The following RGS3 variants were observed in gnomAD, a reference collection of about 807,000 sequenced individuals.
The protein encoded by RGS3 is regulator of G-protein signalling 3.
A neutral mutation model predicts 132.6 loss-of-function variants in RGS3; 80 were observed. The ratio of observed to expected loss-of-function variants is 0.60; its 90% CI spans 0.50 to 0.73. RGS3 has a LOEUF of 0.73. RGS3 is among the 30% of genes least tolerant of loss of function. The pLI is 0.00. For missense variants in RGS3, 1,382 were observed against 1,530.8 expected, an observed-to-expected ratio of 0.90 and a Z score of 1.62; for synonymous variants, 598 against 620.6, an observed-to-expected ratio of 0.96 and a Z score of 0.54.
Position 113,591,329 on chromosome 9 carries a change from G to C in RGS3, c.3016-4G>C. The C allele has an allele frequency of 6.2e-7, 1 of 1,613,420 alleles. No homozygotes were observed. Among genetic ancestry groups the C allele is most frequent in the Non-Finnish European group, 8.5e-7 (1 of 1,179,784 alleles). Reference sequence around the variant, plus strand: ...ACTGCATCGTGTCTGTCTTCTCTCCGCAGATGAGCGGGGCTGACACCGTTG... The same window carrying C: ...ACTGCATCGTGTCTGTCTTCTCTCCCCAGATGAGCGGGGCTGACACCGTTG... On this transcript the variant is annotated splice_polypyrimidine_tract_variant and splice_region_variant and intron_variant, in intron 20 of 24. Coordinates refer to ENST00000350696, the Ensembl canonical transcript of RGS3. This position sits in a 1 kb window ranked among gnomAD's most constrained non-coding sequence, Gnocchi z 4.4.
At position 113,507,679 on chromosome 9, in the gene RGS3, C is replaced by T; in HGVS notation, c.1437+41C>T. The T allele has an allele frequency of 1.4e-6, 2 of 1,413,090 alleles. No individual in the cohort carries two copies. The highest frequency in any genetic ancestry group is 1.9e-6 in the Non-Finnish European group (2 of 1,072,370). The allele number at this position is 1,413,090 out of a possible 1,614,324, so 87.5% of individuals were successfully genotyped here. On this transcript the variant is annotated intron_variant, in intron 13 of 24. Transcript: ENST00000350696. This position sits in a 1 kb window ranked among gnomAD's most constrained non-coding sequence, Gnocchi z 5.0. The stretch of plus-strand genomic sequence containing the variant: ...GTGGGGAAGGTGAAGGGTACTGGGT[C>T]CCTGTGGGAGGCCAGGAAGACTTGA...
chr9:113,526,392 G>T (rs1832210083), intron 17 of RGS3, among the ~76,000 whole-genome samples: 2 of 152,212 alleles, frequency 1.3e-5, no homozygotes, highest in Non-Finnish European at 2.9e-5. Flanking sequence ...CACCTCTGGG[G>T]CTCATAGCCT....
chr9:113,561,586 A>ATTTTTTT (rs1181886025), intron 19 of RGS3, among the ~76,000 whole-genome samples: 1 of 133,272 alleles, frequency 7.5e-6, no homozygotes, highest in African/African-American at 2.8e-5. Flanking sequence ...CTAATTTTTA[A>ATTTTTTT]TTTTTTTTTT....
chr9:113,450,634 G>A (rs868426369), intron 1 of RGS3, among the ~76,000 whole-genome samples: 14 of 152,104 alleles, frequency 9.2e-5, no homozygotes, highest in African/African-American at 3.4e-4. Context: ...GTTAGAACAG[G>A]TGAGCGCAGC....
At chr9:113,593,874 A>G in intron 21 of RGS3, 2 of 1,548,990 alleles carry the variant, frequency 1.3e-6, no homozygotes, top group African/African-American at 1.4e-5. Context: ...CCTTTCAGCA[A>G]TTTGCTGACT....
Position 113,505,541 on chromosome 9 carries a change from G to A in RGS3, c.979+18G>A. 2 of 1,607,220 alleles carry A rather than the reference G, an allele frequency of 1.2e-6. No homozygotes were observed. Among genetic ancestry groups the A allele is most frequent in the Non-Finnish European group, 1.7e-6 (2 of 1,173,742 alleles). On this transcript the variant is annotated intron_variant, in intron 11 of 24. Coordinates refer to ENST00000350696, the Ensembl canonical transcript of RGS3. ...GGATTCCGGTAAGTTATTGACAGGG[G>A]GATGCCAACCCCACTTGCCCACCAC... is the stretch of plus-strand genomic sequence containing the variant.
chr9:113,545,344 C>T (rs376602563), intron 19 of RGS3, among the ~76,000 whole-genome samples: 9 of 152,160 alleles, frequency 5.9e-5, no homozygotes, highest in Non-Finnish European at 1.2e-4. Flanking sequence ...AGGTTTTGTG[C>T]GCAGATTTTG....
Position 113,570,673 on chromosome 9 carries a change from C to T in RGS3, c.2038-12777C>T, listed in dbSNP as rs558275360. Among the ~76,000 whole-genome samples the T allele has an allele frequency of 2.6e-5, 4 of 151,526 alleles. No individual in the cohort carries two copies. In the East Asian group the frequency reaches 7.8e-4, roughly 29 times the overall value. On this transcript the variant is annotated intron_variant, in intron 19 of 24. Transcript: ENST00000350696. ...TCCTGACTTCTTTTTTTTTTTGAGG[C>T]AGAGTCTCGCTCTGTTGCCCAGGCT...
At chr9:113,593,565 A>G (rs1283372332) in intron 21 of RGS3, 2 of 238,932 alleles carry the variant, frequency 8.4e-6, no homozygotes. Flanking sequence ...GCTTAAAACT[A>G]CTAAGATGTT....
At chr9:113,594,154 G>A (rs1835606978) in intron 21 of RGS3, 2 of 1,613,162 alleles carry the variant, frequency 1.2e-6, no homozygotes, top group Middle Eastern at 1.6e-4. Flanking sequence ...ATTCCAGAGA[G>A]CGTGTGTGGC....
chr9:113,480,664 C>T (rs556297163), intron 4 of RGS3, among the ~76,000 whole-genome samples: 1 of 152,210 alleles, frequency 6.6e-6, no homozygotes, highest in African/African-American at 2.4e-5. Flanking sequence ...CAAAGAGGAG[C>T]AGGGAGGGTG....
upstream of RGS3, among the ~76,000 whole-genome samples, chr9:113,460,032 A>ACT (rs756416029): frequency 7.2e-6 from 1 of 139,270 alleles, no homozygotes; most frequent in Non-Finnish European, 1.6e-5. Context: ...CAAGAGAGAA[A>ACT]CTCTCTCAAA....
chr9:113,590,277 G>T (rs1330212336), intron 20 of RGS3, among the ~76,000 whole-genome samples: 1 of 152,036 alleles, frequency 6.6e-6, no homozygotes, highest in Non-Finnish European at 1.5e-5. Flanking sequence ...CCCATCCAGG[G>T]TCTGGCCTAT....
chr9:113,570,207 C>T (rs1834225825), intron 19 of RGS3: 1 of 152,176 alleles, frequency 6.6e-6, no homozygotes, highest in South Asian at 2.1e-4. Context: ...TGAATGGATT[C>T]TGTGTCCTGA....
Position 113,549,003 on chromosome 9 carries a change from C to G in RGS3, c.2037+12085C>G, listed in dbSNP as rs1833224679. The stretch of plus-strand genomic sequence containing the variant: ...CCTCTTGCTGGTGTCCCCTCCCTTG[C>G]TGACTTGTCCTCCTTTCTTTGGACT... On this transcript the variant is annotated intron_variant, in intron 19 of 24. Coordinates refer to ENST00000350696, the Ensembl canonical transcript of RGS3. Among the ~76,000 whole-genome samples the G allele has an allele frequency of 2.6e-5, 4 of 152,202 alleles. No individual in the cohort carries two copies. In the South Asian group the frequency reaches 8.3e-4, roughly 31 times the overall value.
intron 19 of RGS3, among the ~76,000 whole-genome samples, chr9:113,560,196 G>A (rs1485781851): frequency 6.6e-6 from 1 of 152,226 alleles, no homozygotes; most frequent in African/African-American, 2.4e-5. Context: ...GGGAGGAGTA[G>A]GGCTGGGGCC....
At chr9:113,514,934 G>A (rs188778800) in intron 15 of RGS3, among the ~76,000 whole-genome samples, 7 of 152,218 alleles carry the variant, frequency 4.6e-5, no homozygotes, top group African/African-American at 1.7e-4. Flanking sequence ...AAGGGCAGGT[G>A]CACCCCAGCT....
chr9:113,536,520 T>C (rs1832683316), intron 18 of RGS3: 2 of 1,194,816 alleles, frequency 1.7e-6, no homozygotes, highest in African/African-American at 1.6e-5. Context: ...TCTGTCCTGC[T>C]CTCCACAGGC....
chr9:113,565,327 C>T lies in RGS3; in HGVS notation c.2038-18123C>T. 1.6e-6 allele frequency: 2 copies of T among 1,289,740 alleles called. No individual in the cohort carries two copies. Among genetic ancestry groups the T allele is most frequent in the Non-Finnish European group, 2.0e-6 (2 of 988,812 alleles). The allele number at this position is 1,289,740 out of a possible 1,614,324, so 79.9% of individuals were successfully genotyped here. On this transcript the variant is annotated intron_variant, in intron 19 of 24. Coordinates refer to ENST00000350696, the Ensembl canonical transcript of RGS3. The surrounding 1 kb of genome is among the most constrained non-coding windows in gnomAD (Gnocchi z 5.7). ...GTTTAATGGAAGAAAGAAATCCAGCCTCTCTCCAGAGTGGCGGTGGCCGGC... is the reference window on the plus strand; with the variant it reads ...GTTTAATGGAAGAAAGAAATCCAGCTTCTCTCCAGAGTGGCGGTGGCCGGC...
Sources: allele counts gnomAD v4.1 joint callset (sites outside exome capture counted in the v4.1 genomes callset), GRCh38; gene constraint gnomAD v4.1.1; non-coding constraint Gnocchi (gnomAD v3.1); transcripts MANE v1.5; gene names NCBI Gene and HGNC (gene_info 2026-07-23, HGNC 2026-07-21).